The following PSD3 variants were observed in gnomAD, a reference collection of about 807,000 sequenced individuals.
The protein encoded by PSD3 is pleckstrin and Sec7 domain containing 3, also known as PH and SEC7 domain-containing protein 3.
PSD3 carries 49 observed loss-of-function variants against 105.5 expected under a neutral mutation model. That is an observed-to-expected ratio of 0.46 (90% CI 0.37 to 0.59). PSD3 has a LOEUF of 0.59. Among genes scored for constraint, PSD3 ranks in the 20% least tolerant of loss-of-function variants. PSD3 has a pLI of 0.00. For synonymous variants in PSD3, 557 were observed against 457.8 expected (o/e 1.22, Z -2.77); for missense variants, 1,561 against 1,263.8 (o/e 1.24, Z -3.57).
At chr8:18,990,815 A>C (rs1013404715) in intron 1 of PSD3, among the ~76,000 whole-genome samples, 4 of 152,184 alleles carry the variant, frequency 2.6e-5, no homozygotes, top group African/African-American at 9.7e-5. Context: ...CCTGATGATC[A>C]CATTCACGAA....
rs553713661 is a variant in PSD3 at position 18,677,872 on chromosome 8, T to C, written c.2173-22187A>G. Among the ~76,000 whole-genome samples, 39 of 151,812 alleles carry C rather than the reference T, an allele frequency of 2.6e-4. No homozygotes were observed. The South Asian group carries it at 3.5e-3, about 14-fold the overall frequency. On this transcript the variant is annotated intron_variant, in intron 9 of 15. Coordinates refer to ENST00000327040, the MANE Select transcript of PSD3 (RefSeq NM_015310.4). Reference sequence around the variant, plus strand: ...AAAAATACAAAAAATTAGCCAGGCGTGGTGGCGGGTGCCTGTAGTCCCAGC... The same window carrying C: ...AAAAATACAAAAAATTAGCCAGGCGCGGTGGCGGGTGCCTGTAGTCCCAGC...
Position 19,059,531 on chromosome 8 carries a change from A to G in PSD3, c.324+24675T>C, listed in dbSNP as rs139520558. Among the ~76,000 whole-genome samples, 8 of 152,340 alleles carry G rather than the reference A, an allele frequency of 5.3e-5. No individual in the cohort carries two copies. In the East Asian group the frequency reaches 1.5e-3, roughly 29 times the overall value. On this transcript the variant is annotated intron_variant, in intron 1 of 1. Transcript: ENST00000521475. Reference sequence around the variant, plus strand: ...AGAAAAGTCTAAGATTTAAGCCAGTATCAGGTGGGACCAAAGTACTTTATT... The same window carrying G: ...AGAAAAGTCTAAGATTTAAGCCAGTGTCAGGTGGGACCAAAGTACTTTATT...
At chr8:18,595,209 GCAAA>G (rs1190904464) in intron 12 of PSD3, among the ~76,000 whole-genome samples, 18 of 117,034 alleles carry the variant, frequency 1.5e-4, no homozygotes, top group Admixed American at 2.7e-4. Flanking sequence ...CCCATGGTAA[GCAAA>G]CAAACAAACA....
chr8:18,651,467 T>C (rs181649255), intron 10 of PSD3, among the ~76,000 whole-genome samples: 36 of 152,358 alleles, frequency 2.4e-4, no homozygotes, highest in African/African-American at 8.7e-4. Flanking sequence ...TGTAGGCTTA[T>C]CTTTTAAGAA....
intron 11 of PSD3, among the ~76,000 whole-genome samples, chr8:18,609,408 C>T (rs542023177): frequency 1.3e-5 from 2 of 152,264 alleles, no homozygotes; most frequent in East Asian, 3.9e-4. Context: ...GATGGCATTC[C>T]AAAATAAACC....
At chr8:19,005,791 G>T (rs1006378011) in intron 1 of PSD3, among the ~76,000 whole-genome samples, 1 of 151,824 alleles carries the variant, frequency 6.6e-6, no homozygotes, top group Non-Finnish European at 1.5e-5. Flanking sequence ...GCCTGGCCTG[G>T]GCTGTTTTTG....
chr8:19,063,868 A>G (rs1463115193), intron 1 of PSD3, among the ~76,000 whole-genome samples: 1 of 152,128 alleles, frequency 6.6e-6, no homozygotes, highest in Non-Finnish European at 1.5e-5. Flanking sequence ...AAGGCCGGGC[A>G]CAGTGGCTCA....
chr8:18,762,211 T>A (rs996427267), intron 9 of PSD3, among the ~76,000 whole-genome samples: 3 of 152,172 alleles, frequency 2.0e-5, no homozygotes, highest in Non-Finnish European at 4.4e-5. Context: ...GCTGTTCTCA[T>A]GATGACGAGT....
In PSD3 at chr8:18,680,308, AC is replaced by A. The variant is rs1333752890; in HGVS notation, c.2173-24624del. On this transcript the variant is annotated intron_variant, in intron 9 of 15. Coordinates refer to ENST00000327040, the MANE Select transcript of PSD3 (RefSeq NM_015310.4). Reference sequence around the variant, plus strand: ...TTTGAAACCCCAAGGGTACCCGAATACCCGGGGCTGATTGTATTCTACTTTT... The same window carrying A: ...TTTGAAACCCCAAGGGTACCCGAATACCGGGGCTGATTGTATTCTACTTTT... Among the ~76,000 whole-genome samples, 3 of 152,146 alleles carry A rather than the reference AC, an allele frequency of 2.0e-5. No homozygotes were observed. The East Asian group carries it at 5.8e-4, about 29-fold the overall frequency.
intron 9 of PSD3, among the ~76,000 whole-genome samples, chr8:18,743,306 G>C (rs761396137): frequency 6.6e-6 from 1 of 152,154 alleles, no homozygotes; most frequent in African/African-American, 2.4e-5. Flanking sequence ...TAGAGGAGCG[G>C]GGAGATAGCG....
rs751222106 is a variant in PSD3, at chr8:18,655,698, A to G, written c.2173-13T>C. ...AGTTGTACAGAGCCTGTAAAGAGAG[A>G]AAATGAGATCACATTATTCTTTCCA... On this transcript the variant is annotated splice_polypyrimidine_tract_variant and intron_variant, in intron 9 of 15. Transcript: ENST00000327040. 2 of 1,610,454 alleles carry G rather than the reference A, an allele frequency of 1.2e-6. No individual in the cohort carries two copies. The highest frequency in any genetic ancestry group is 1.7e-6 in the Non-Finnish European group (2 of 1,176,882).
Position 18,890,929 on chromosome 8 carries a change from C to A in PSD3, c.131-18196G>T, listed in dbSNP as rs539657150. On this transcript the variant is annotated intron_variant, in intron 2 of 15. Transcript: ENST00000327040. Reference sequence around the variant, plus strand: ...AGCAAGATGCTTTTCACCTCTCAGGCCTCCCCTGTCACTTTCTAAGAAACT... The same window carrying A: ...AGCAAGATGCTTTTCACCTCTCAGGACTCCCCTGTCACTTTCTAAGAAACT... Among the ~76,000 whole-genome samples the A allele has an allele frequency of 8.5e-5, 13 of 152,276 alleles. No individual in the cohort carries two copies. The South Asian group carries it at 1.0e-3, about 12-fold the overall frequency.
chr8:18,800,315 T>C (rs1283062018), intron 7 of PSD3, among the ~76,000 whole-genome samples: 3 of 152,204 alleles, frequency 2.0e-5, no homozygotes, highest in Non-Finnish European at 4.4e-5. Context: ...CTGGTCTGAA[T>C]AGCATCAGTT....
At chr8:19,050,294 G>A (rs182114275) in intron 1 of PSD3, among the ~76,000 whole-genome samples, 6 of 129,040 alleles carry the variant, frequency 4.6e-5, no homozygotes, top group East Asian at 3.9e-4. Flanking sequence ...CACAATCTAC[G>A]CCCATGCCCA....
intron 4 of PSD3, among the ~76,000 whole-genome samples, chr8:18,860,794 A>G (rs181547227): frequency 3.1e-3 from 467 of 152,316 alleles, no homozygotes; most frequent in African/African-American, 0.011. Context: ...ATATATGAAT[A>G]AAAATATTGC....
intron 11 of PSD3, among the ~76,000 whole-genome samples, chr8:18,605,594 T>C (rs1804767494): frequency 6.6e-6 from 1 of 152,136 alleles, no homozygotes; most frequent in African/African-American, 2.4e-5. Context: ...TGATTGTATT[T>C]TGCCATGTGA....
chr8:18,787,237 G>A (rs1019765125), intron 8 of PSD3, among the ~76,000 whole-genome samples: 3 of 152,118 alleles, frequency 2.0e-5, no homozygotes, highest in African/African-American at 7.2e-5. Context: ...AACAAATGTT[G>A]ACCAGTTGCA....
chr8:18,741,689 T>C (rs1428627799), intron 9 of PSD3, among the ~76,000 whole-genome samples: 1 of 151,406 alleles, frequency 6.6e-6, no homozygotes, highest in Non-Finnish European at 1.5e-5. Context: ...ATCCGTCCTA[T>C]CAGCGGCATG....
intron 14 of PSD3, among the ~76,000 whole-genome samples, chr8:18,559,919 T>A (rs1333801884): frequency 6.6e-6 from 1 of 152,160 alleles, no homozygotes; most frequent in Non-Finnish European, 1.5e-5. Flanking sequence ...GGCTAGTCAT[T>A]TAGGCTATAT....
Sources: gnomAD v4.1 joint callset for allele counts (sites outside exome capture counted in the v4.1 genomes callset) on GRCh38, gnomAD v4.1.1 for gene constraint, MANE v1.5 for transcripts, NCBI Gene and HGNC (gene_info 2026-07-23, HGNC 2026-07-21) for gene names.